MRPL3: variants seen among roughly 807,000 people sequenced by gnomAD.
MRPL3 encodes mitochondrial ribosomal protein L3.
Under a neutral mutation model 44.3 loss-of-function variants are expected in MRPL3, and 43 were observed. The observed-to-expected ratio is 0.97, with a 90% CI of 0.76 to 1.25. The LOEUF (loss-of-function observed/expected upper bound fraction) is 1.25, where lower values mean the gene tolerates loss of function less well. Ranked by LOEUF, MRPL3 falls within the 50% of genes most tolerant of loss-of-function variation. MRPL3 has a pLI of 0.00. For missense variants in MRPL3, 406 were observed against 427.6 expected, an observed-to-expected ratio of 0.95 and a Z score of 0.45; for synonymous variants, 171 against 152.3, an observed-to-expected ratio of 1.12 and a Z score of -0.91.
At chr3:131,472,962 G>C (rs1933772499) in intron 6 of MRPL3, among the ~76,000 whole-genome samples, 1 of 152,072 alleles carries the variant, frequency 6.6e-6, no homozygotes, top group Non-Finnish European at 1.5e-5. Context: ...TGAACTGGAA[G>C]AACTGCTAAA....
chr3:131,464,168 A>T (rs1413905944), intron 9 of MRPL3, among the ~76,000 whole-genome samples: 1 of 151,968 alleles, frequency 6.6e-6, no homozygotes, highest in African/African-American at 2.4e-5. Context: ...ATAAAACCCA[A>T]GCAAAAAAAA....
At chr3:131,487,117 G>T (rs538221510) in intron 6 of MRPL3, 6 of 152,738 alleles carry the variant, frequency 3.9e-5, no homozygotes, top group Admixed American at 6.5e-5. Context: ...GGAATACTAT[G>T]CAGCCATAAA....
chr3:131,471,988 AC>A (rs1244382607), intron 6 of MRPL3, among the ~76,000 whole-genome samples: 1 of 152,092 alleles, frequency 6.6e-6, no homozygotes, highest in African/African-American at 2.4e-5. Context: ...CCCAATTAGA[AC>A]CTTGACATGA....
Position 131,471,295 on chromosome 3 carries a change from G to A in MRPL3, c.630-16C>T, listed in dbSNP as rs773708282. ...TTTACCAATACTGAACAAAACAAAC[G>A]TTAGAATTTACATAATGAAAAGAGC... On this transcript the variant is annotated splice_polypyrimidine_tract_variant and intron_variant, in intron 6 of 9. Transcript: ENST00000264995. 15 of 1,542,504 alleles carry A rather than the reference G, an allele frequency of 9.7e-6. No homozygotes were observed. Among genetic ancestry groups the A allele is most frequent in the African/African-American group, 2.7e-5 (2 of 73,420 alleles).
chr3:131,479,292 A>C (rs1933924412), intron 6 of MRPL3: 1 of 398,412 alleles, frequency 2.5e-6, no homozygotes, highest in South Asian at 2.0e-5. Flanking sequence ...TGACTTGTAC[A>C]TATATCACTC....
intron 4 of MRPL3, among the ~76,000 whole-genome samples, chr3:131,495,034 TCA>T (rs1201519652): frequency 6.6e-6 from 1 of 152,182 alleles, no homozygotes; most frequent in Non-Finnish European, 1.5e-5. Context: ...ATGTACTACC[TCA>T]GTTTTTATTT....
intron 4 of MRPL3, among the ~76,000 whole-genome samples, chr3:131,492,121 G>T (rs74948515): frequency 6.6e-6 from 1 of 151,856 alleles, no homozygotes; most frequent in Non-Finnish European, 1.5e-5. Flanking sequence ...TACTTATTCA[G>T]GTATCAATCA....
At chr3:131,496,260 C>T (rs969642650) in intron 4 of MRPL3, among the ~76,000 whole-genome samples, 3 of 152,092 alleles carry the variant, frequency 2.0e-5, no homozygotes, top group African/African-American at 7.2e-5. Flanking sequence ...AAGTCAAACA[C>T]TTGATTTTTT....
chr3:131,469,217 C>G (rs553853239), intron 8 of MRPL3, among the ~76,000 whole-genome samples: 1 of 151,548 alleles, frequency 6.6e-6, no homozygotes, highest in East Asian at 1.9e-4. Flanking sequence ...CTCCTCCTTA[C>G]ACTTACACAC....
chr3:131,473,434 A>G (rs1221088815), intron 6 of MRPL3, among the ~76,000 whole-genome samples: 5 of 152,192 alleles, frequency 3.3e-5, no homozygotes, highest in South Asian at 2.1e-4. Flanking sequence ...TGAAAAAAAA[A>G]AAGTATGAAA....
chr3:131,464,609 T>C (rs148384038), intron 9 of MRPL3, among the ~76,000 whole-genome samples: 2 of 152,240 alleles, frequency 1.3e-5, no homozygotes, highest in East Asian at 1.9e-4. Context: ...ATAAATGATA[T>C]ATAGGACACA....
intron 3 of MRPL3, among the ~76,000 whole-genome samples, chr3:131,498,870 G>A (rs768561485): frequency 6.6e-6 from 1 of 152,068 alleles, no homozygotes; most frequent in African/African-American, 2.4e-5. Context: ...CCCAAGAGCA[G>A]GAGTTCTCAA....
chr3:131,474,828 G>C (rs183881268), intron 6 of MRPL3, among the ~76,000 whole-genome samples: 9 of 148,822 alleles, frequency 6.0e-5, no homozygotes, highest in Non-Finnish European at 1.2e-4. Flanking sequence ...CTGGAGTGCA[G>C]TGGTACAGTG....
chr3:131,476,761 C>T (rs1337482113), intron 6 of MRPL3, among the ~76,000 whole-genome samples: 2 of 152,178 alleles, frequency 1.3e-5, no homozygotes, highest in African/African-American at 4.8e-5. Flanking sequence ...CCCCTCAGTA[C>T]ACTTTCAGTG....
rs748726362 is a variant in MRPL3, at chr3:131,471,281, T to C, written c.630-2A>G. 4 of 1,597,494 alleles carry C rather than the reference T, an allele frequency of 2.5e-6. No individual in the cohort carries two copies. Among genetic ancestry groups the C allele is most frequent in the Non-Finnish European group, 2.6e-6 (3 of 1,165,220 alleles). ...ACACCTTGAAAACCTTTACCAATAC[T>C]GAACAAAACAAACGTTAGAATTTAC... is the stretch of plus-strand genomic sequence containing the variant. On this transcript the variant is annotated splice_acceptor_variant, in intron 6 of 9. Transcript: ENST00000264995. LOFTEE classifies it high-confidence loss of function.
At chr3:131,489,855 T>G in intron 5 of MRPL3, 126 bp downstream of exon 5, 1 of 560,500 alleles carries the variant, frequency 1.8e-6, no homozygotes, top group South Asian at 2.5e-5. Flanking sequence ...TGAGATACAG[T>G]TTTGTATTTA....
chr3:131,500,086 T>C (rs1473280319), intron 3 of MRPL3, among the ~76,000 whole-genome samples: 1 of 152,144 alleles, frequency 6.6e-6, no homozygotes. Context: ...AGATCAAAAC[T>C]GTAATCTGGA....
chr3:131,476,531 T>C (rs2110700092), intron 6 of MRPL3, among the ~76,000 whole-genome samples: 1 of 152,282 alleles, frequency 6.6e-6, no homozygotes, highest in East Asian at 1.9e-4. Flanking sequence ...CCCTTACCCA[T>C]TTTCTGCTTA....
At chr3:131,468,884 T>G (rs1434911529) in intron 8 of MRPL3, among the ~76,000 whole-genome samples, 1 of 152,046 alleles carries the variant, frequency 6.6e-6, no homozygotes, top group Non-Finnish European at 1.5e-5. Context: ...GTATGCAGAA[T>G]AGAGACTGGG....
Sources: gnomAD v4.1 joint callset for allele counts (sites outside exome capture counted in the v4.1 genomes callset) on GRCh38, gnomAD v4.1.1 for gene constraint, MANE v1.5 for transcripts, NCBI Gene and HGNC (gene_info 2026-07-23, HGNC 2026-07-21) for gene names.